NR2F1-AS1: variants seen among roughly 807,000 people sequenced by gnomAD.
NR2F1-AS1 encodes the protein NR2F1 regulatory antisense RNA 1, also known as NR2F1 antisense RNA 1.
At chr5:93,465,449 G>A (rs1561452017) in intron 4 of NR2F1-AS1, among the ~76,000 whole-genome samples, 3 of 152,228 alleles carry the variant, frequency 2.0e-5, no homozygotes, top group Non-Finnish European at 4.4e-5. Flanking sequence ...AGGATGTGGA[G>A]AAATAGGAGT....
chr5:93,448,164 A>G (rs113803860), intron 4 of NR2F1-AS1, among the ~76,000 whole-genome samples: 26,192 of 151,980 alleles, frequency 0.17, 3,516 homozygotes, highest in African/African-American at 0.38. Context: ...AAGCCTGCAC[A>G]TTGTGCACAT....
intron 4 of NR2F1-AS1, among the ~76,000 whole-genome samples, chr5:93,461,497 G>A (rs1465610734): frequency 6.6e-6 from 1 of 151,966 alleles, no homozygotes; most frequent in Non-Finnish European, 1.5e-5. Context: ...TAAAATAAAA[G>A]TGGGAAATTA....
chr5:93,426,139 C>T (rs1749190661), intron 4 of NR2F1-AS1, among the ~76,000 whole-genome samples: 1 of 151,966 alleles, frequency 6.6e-6, no homozygotes, highest in African/African-American at 2.4e-5. Context: ...CCTCTGTCTC[C>T]CAGGTTCAAG....
intron 4 of NR2F1-AS1, among the ~76,000 whole-genome samples, chr5:93,513,928 A>G (rs1022658427): frequency 7.2e-5 from 11 of 152,156 alleles, no homozygotes; most frequent in Non-Finnish European, 8.8e-5. Flanking sequence ...TCAAGCTTGT[A>G]AAGTACAAGG....
intron 2 of NR2F1-AS1, among the ~76,000 whole-genome samples, chr5:93,559,227 T>TA (rs1246778016): frequency 6.6e-6 from 1 of 152,232 alleles, no homozygotes; most frequent in Non-Finnish European, 1.5e-5. Flanking sequence ...TATACTTACT[T>TA]ATACTTTTAT....
chr5:93,433,988 C>G (rs1253698718), intron 4 of NR2F1-AS1, among the ~76,000 whole-genome samples: 2 of 152,104 alleles, frequency 1.3e-5, no homozygotes, highest in East Asian at 3.8e-4. Flanking sequence ...TAGACTTTGC[C>G]TTATTTTTTT....
chr5:93,436,874 G>A (rs1580221694), intron 4 of NR2F1-AS1, among the ~76,000 whole-genome samples: 1 of 151,820 alleles, frequency 6.6e-6, no homozygotes, highest in Non-Finnish European at 1.5e-5. Context: ...ATCCTGGAGA[G>A]GTTTACACTC....
At chr5:93,498,252 C>A (rs1232888933) in intron 4 of NR2F1-AS1, among the ~76,000 whole-genome samples, 1 of 151,936 alleles carries the variant, frequency 6.6e-6, no homozygotes, top group Non-Finnish European at 1.5e-5. Flanking sequence ...TTGGGAGGTT[C>A]TGAAAATTAA....
upstream of NR2F1-AS1, among the ~76,000 whole-genome samples, chr5:93,582,111 C>T (rs1241895496): frequency 7.2e-6 from 1 of 139,088 alleles, no homozygotes; most frequent in Non-Finnish European, 1.5e-5. Flanking sequence ...TTCTCTCTCC[C>T]TCTCCGCCTC....
intron 4 of NR2F1-AS1, among the ~76,000 whole-genome samples, chr5:93,517,272 G>A (rs993135733): frequency 2.0e-5 from 3 of 151,886 alleles, no homozygotes; most frequent in South Asian, 4.1e-4. Flanking sequence ...GTAGAGTAGA[G>A]CCTTGGGAAT....
chr5:93,506,514 T>A (rs2149888567), intron 4 of NR2F1-AS1, among the ~76,000 whole-genome samples: 1 of 152,298 alleles, frequency 6.6e-6, no homozygotes, highest in Admixed American at 6.5e-5. Flanking sequence ...AAAAAGAGGT[T>A]TAATTGAACT....
chr5:93,551,686 A>G (rs1752233748), intron 4 of NR2F1-AS1, among the ~76,000 whole-genome samples: 1 of 152,072 alleles, frequency 6.6e-6, no homozygotes, highest in Non-Finnish European at 1.5e-5. Context: ...TCCTTTTCCA[A>G]CTTTAGACTG....
At chr5:93,442,218 A>C (rs1335599245) in intron 4 of NR2F1-AS1, among the ~76,000 whole-genome samples, 1 of 152,088 alleles carries the variant, frequency 6.6e-6, no homozygotes, top group Non-Finnish European at 1.5e-5. Flanking sequence ...CAGCCCACAG[A>C]GTGTGAGCTG....
chr5:93,541,982 C>T (rs1751960605), intron 4 of NR2F1-AS1: 1 of 150,904 alleles, frequency 6.6e-6, no homozygotes, highest in African/African-American at 2.4e-5. Flanking sequence ...TTTCTTTTTG[C>T]CTCAGGTTCC....
At chr5:93,500,197 A>G (rs576572706) in intron 4 of NR2F1-AS1, among the ~76,000 whole-genome samples, 1 of 152,338 alleles carries the variant, frequency 6.6e-6, no homozygotes, top group Non-Finnish European at 1.5e-5. Flanking sequence ...GATGACACCT[A>G]GGCTTTCACA....
chr5:93,544,493 T>G (rs950601891), intron 4 of NR2F1-AS1, among the ~76,000 whole-genome samples: 2 of 152,206 alleles, frequency 1.3e-5, no homozygotes, highest in African/African-American at 2.4e-5. Flanking sequence ...CCTGCTATTA[T>G]TTTTGAGTCC....
At chr5:93,548,967 T>C (rs1018244550) in intron 4 of NR2F1-AS1, among the ~76,000 whole-genome samples, 1 of 152,178 alleles carries the variant, frequency 6.6e-6, no homozygotes, top group Non-Finnish European at 1.5e-5. Context: ...GTATAACATA[T>C]GTTAAAAACA....
chr5:93,574,797 T>C (rs977439465), intron 1 of NR2F1-AS1, among the ~76,000 whole-genome samples: 1 of 152,198 alleles, frequency 6.6e-6, no homozygotes, highest in Non-Finnish European at 1.5e-5. Flanking sequence ...AACGTCGGTT[T>C]GACGCCCCAC....
At chr5:93,508,101 CAG>C (rs1751223028) in intron 4 of NR2F1-AS1, among the ~76,000 whole-genome samples, 2 of 152,092 alleles carry the variant, frequency 1.3e-5, no homozygotes, top group South Asian at 4.1e-4. Context: ...AGGTTGTTAA[CAG>C]AACTTGACAA....
Sources: gnomAD v4.1 joint callset for allele counts (sites outside exome capture counted in the v4.1 genomes callset) on GRCh38, gnomAD v4.1.1 for gene constraint, MANE v1.5 for transcripts, NCBI Gene and HGNC (gene_info 2026-07-23, HGNC 2026-07-21) for gene names.